Variants in TAF2 observed in about 807,000 individuals in gnomAD.
The protein encoded by TAF2 is TATA-box binding protein associated factor 2, also known as transcription initiation factor TFIID subunit 2.
In TAF2, 61 loss-of-function variants were observed where a neutral mutation model predicts 138.5. The observed-to-expected ratio is 0.44, with a 90% CI of 0.36 to 0.54. The LOEUF (loss-of-function observed/expected upper bound fraction) is 0.54. Among genes scored for constraint, TAF2 ranks in the 20% least tolerant of loss-of-function variants. The pLI, the probability that TAF2 is intolerant of heterozygous loss-of-function variation, is 0.00. For synonymous variants in TAF2, 475 were observed against 469.9 expected (o/e 1.01, Z -0.14); for missense variants, 1,090 against 1,427.9 (o/e 0.76, Z 3.81).
Position 119,832,817 on chromosome 8 carries a change from C to G in TAF2, c.-253G>C, listed in dbSNP as rs1826555246. On this transcript the variant is annotated 5_prime_UTR_variant, in exon 1 of 26. Transcript: ENST00000378164. ...TCCGCAAGGGCTCGAAGCTACCATC[C>G]GCCGACATCTTGTCTGTAACCTCTG... The G allele has an allele frequency of 2.2e-6, 1 of 454,200 alleles. No homozygotes were observed. Among genetic ancestry groups the G allele is most frequent in the Non-Finnish European group, 3.9e-6 (1 of 254,962 alleles). The allele number at this position is 454,200 out of a possible 1,614,324, so 28.1% of individuals were successfully genotyped here. A position where few individuals can be genotyped will look rare whatever the true frequency, so the allele number is the denominator to read the frequency against.
chr8:119,817,647 T>C (rs1486435968), intron 3 of TAF2, among the ~76,000 whole-genome samples: 1 of 152,202 alleles, frequency 6.6e-6, no homozygotes. Context: ...CTTAACAGAT[T>C]ATCCTGAGAC....
intron 2 of TAF2, 148 bp from the exon 3 acceptor site, chr8:119,819,654 A>C: frequency 1.5e-6 from 1 of 674,862 alleles, no homozygotes; most frequent in East Asian, 2.7e-5. Context: ...CAAGTATCTT[A>C]ATTTCAAACA....
chr8:119,786,126 A>G (rs1157773789), intron 14 of TAF2, among the ~76,000 whole-genome samples: 1 of 152,182 alleles, frequency 6.6e-6, no homozygotes, highest in African/African-American at 2.4e-5. Flanking sequence ...TTCTCCAGCA[A>G]AGCACAGATA....
chr8:119,741,798 A>C (rs1401057994), intron 25 of TAF2, among the ~76,000 whole-genome samples: 1 of 152,190 alleles, frequency 6.6e-6, no homozygotes, highest in Non-Finnish European at 1.5e-5. Flanking sequence ...ATTCTTTAAA[A>C]ATGATTTTGT....
chr8:119,761,333 C>T (rs762279454), intron 19 of TAF2, among the ~76,000 whole-genome samples: 1 of 152,166 alleles, frequency 6.6e-6, no homozygotes, highest in Non-Finnish European at 1.5e-5. Context: ...CCTAGGTATA[C>T]AGCAGGCTAC....
chr8:119,803,911 T>C lies in TAF2; in HGVS notation c.527A>G (p.His176Arg). The change falls in exon 5 of 26, where the codon CAT becomes CGT. Residue 176 changes from histidine to arginine, a missense_variant. This residue lies in a region of TAF2 where 504 missense variants were observed against 680.9 expected (regional missense o/e 0.74). Coordinates refer to ENST00000378164, the MANE Select transcript of TAF2 (RefSeq NM_003184.4). Reference protein sequence around the residue: ...VEGSMAERGAHVFSCGYQNST... With the variant: ...VEGSMAERGARVFSCGYQNST... ...ATTTTGATACCCACAAGAGAAAACA[T>C]GAGCACCTCTCTCTGCCATACTTCC... is the stretch of plus-strand genomic sequence containing the variant. 6 of 1,613,970 alleles carry C rather than the reference T, an allele frequency of 3.7e-6. No homozygotes were observed. The highest frequency in any genetic ancestry group is 1.1e-5 in the South Asian group (1 of 91,074).
Position 119,793,421 on chromosome 8 carries a change from T to G in TAF2, c.1222A>C (p.Lys408Gln), listed in dbSNP as rs1823582825. ...GGATGTAGTAAAACCCCACCAGTTT[T>G]TAGTTCATATGCCACTATTTTGTCT... ...ELDKIVAYEL[K>Q]TGGVLLHPIF... The change falls in exon 10 of 26, where the codon AAA becomes CAA. Residue 408 changes from lysine to glutamine, a missense_variant. Coordinates refer to ENST00000378164, the MANE Select transcript of TAF2 (RefSeq NM_003184.4). 6.2e-7 allele frequency: 1 copy of G among 1,612,956 alleles called. No homozygotes were observed. The highest frequency in any genetic ancestry group is 2.2e-5 in the East Asian group (1 of 44,706).
In TAF2 at chr8:119,742,626, C is replaced by G. The variant is rs747453635; in HGVS notation, c.3245G>C (p.Arg1082Pro). The G allele has an allele frequency of 6.2e-7, 1 of 1,613,354 alleles. No homozygotes were observed. Among genetic ancestry groups the G allele is most frequent in the Non-Finnish European group, 8.5e-7 (1 of 1,179,916 alleles). ...TGAGTGCTGGGGTATTAAAGCAGAT[C>G]GGGAGCTAGCTGGCCGATATTTCGA... ...GLSKYRPASS[R>P]SALIPQHSAG... The change falls in exon 25 of 26, where the codon CGA becomes CCA. Residue 1082 changes from arginine (R) to proline (P), a missense_variant. Around this residue, in one of 3 missense-constraint regions of TAF2, gnomAD observed 580 missense variants for 719.6 expected, o/e 0.81. Transcript: ENST00000378164.
intron 17 of TAF2, among the ~76,000 whole-genome samples, chr8:119,779,199 T>A (rs1445819628): frequency 6.6e-6 from 1 of 151,712 alleles, no homozygotes; most frequent in African/African-American, 2.4e-5. Flanking sequence ...ACTTTCCAAT[T>A]TTTTTGACAG....
intron 16 of TAF2, among the ~76,000 whole-genome samples, chr8:119,781,770 C>T (rs1822679032): frequency 6.6e-6 from 1 of 152,032 alleles, no homozygotes; most frequent in Non-Finnish European, 1.5e-5. Flanking sequence ...TCACTGCAAC[C>T]TCTGCCTCCC....
At chr8:119,800,834 C>T (rs192310491) in intron 6 of TAF2, among the ~76,000 whole-genome samples, 33 of 152,200 alleles carry the variant, frequency 2.2e-4, no homozygotes, top group Admixed American at 1.4e-3. Context: ...TGGAGATATA[C>T]GTGGTCAAAT....
chr8:119,774,844 T>A (rs1463262661), intron 18 of TAF2, among the ~76,000 whole-genome samples: 1 of 152,076 alleles, frequency 6.6e-6, no homozygotes, highest in Admixed American at 6.6e-5. Flanking sequence ...CAGCATCATA[T>A]GAATAAATAG....
At chr8:119,747,387 T>G (rs1458829638) in intron 22 of TAF2, among the ~76,000 whole-genome samples, 1 of 152,236 alleles carries the variant, frequency 6.6e-6, no homozygotes, top group East Asian at 1.9e-4. Flanking sequence ...TTTGTGTTAC[T>G]GCAGTGAGAA....
At chr8:119,734,171 A>G (rs1294914400) in intron 25 of TAF2, among the ~76,000 whole-genome samples, 2 of 152,170 alleles carry the variant, frequency 1.3e-5, no homozygotes, top group Non-Finnish European at 2.9e-5. Flanking sequence ...GTCTTCCTAA[A>G]CAAAGCTGCT....
At chr8:119,798,917 G>A (rs909887210) in intron 6 of TAF2, among the ~76,000 whole-genome samples, 1 of 151,876 alleles carries the variant, frequency 6.6e-6, no homozygotes, top group African/African-American at 2.4e-5. Flanking sequence ...TTTTATTTGT[G>A]TATGCAAATA....
At chr8:119,732,504 G>A (rs1233739214) in intron 25 of TAF2, among the ~76,000 whole-genome samples, 1 of 152,058 alleles carries the variant, frequency 6.6e-6, no homozygotes, top group Non-Finnish European at 1.5e-5. Context: ...CGGTGTTATA[G>A]GTTAAGACCC....
rs118105771 is a variant in TAF2, at chr8:119,788,464, G to A, written c.1684-17C>T. 1,760 of 1,526,568 alleles carry A rather than the reference G, an allele frequency of 1.2e-3. 28 individuals are homozygous for A. In the East Asian group the frequency reaches 0.034, roughly 29 times the overall value. 94.6% of individuals were successfully genotyped at this position (1,526,568 alleles called of 1,614,324 possible). On this transcript the variant is annotated splice_polypyrimidine_tract_variant and intron_variant, in intron 13 of 25. Coordinates refer to ENST00000378164, the MANE Select transcript of TAF2 (RefSeq NM_003184.4). The stretch of plus-strand genomic sequence containing the variant: ...AAGTGGTCCCTTTTAAAAAAAAAAC[G>A]TACTGTTCAGAGATGTGATTTAAAA...
chr8:119,733,040 G>A (rs1310797489), intron 25 of TAF2, among the ~76,000 whole-genome samples: 1 of 151,996 alleles, frequency 6.6e-6, no homozygotes, highest in Non-Finnish European at 1.5e-5. Flanking sequence ...ATAGATAGAA[G>A]AGCTGGTTTT....
At chr8:119,745,589 C>G (rs1244863929) in intron 23 of TAF2, among the ~76,000 whole-genome samples, 1 of 152,028 alleles carries the variant, frequency 6.6e-6, no homozygotes, top group South Asian at 2.1e-4. Flanking sequence ...TAGGGAATTG[C>G]CAGGCAAGTA....
Sources: allele counts gnomAD v4.1 joint callset (sites outside exome capture counted in the v4.1 genomes callset), GRCh38; gene constraint gnomAD v4.1.1; regional missense constraint gnomAD v4.1.1; transcripts MANE v1.5; gene names NCBI Gene and HGNC (gene_info 2026-07-23, HGNC 2026-07-21).